Variants in SRD5A2 observed in about 807,000 individuals in gnomAD.
SRD5A2 encodes the protein steroid 5 alpha-reductase 2.
A neutral mutation model predicts 27.4 loss-of-function variants in SRD5A2; 30 were observed. That is an observed-to-expected ratio of 1.10 (90% CI 0.82 to 1.49). The LOEUF (loss-of-function observed/expected upper bound fraction) is 1.49. Ranked by LOEUF, SRD5A2 falls within the 40% of genes most tolerant of loss-of-function variation. SRD5A2 has a pLI of 0.00. For missense variants in SRD5A2, 348 were observed against 323.4 expected, an observed-to-expected ratio of 1.08 and a Z score of -0.58; for synonymous variants, 141 against 133.6, an observed-to-expected ratio of 1.06 and a Z score of -0.38.
the SRD5A2 span, among the ~76,000 whole-genome samples, chr2:31,660,311 G>C: frequency 6.6e-6 from 1 of 152,054 alleles, no homozygotes; most frequent in East Asian, 1.9e-4. Context: ...TGGTGGGAAT[G>C]CACTCTATAA....
chr2:31,523,240 G>C lies in SRD5A2; in HGVS notation c.*2956C>G, dbSNP rs1348952942. On this transcript the variant is annotated 3_prime_UTR_variant, in exon 5 of 5. Transcript: ENST00000622030. ...TAGGTTTATGAAAGGGCATGAGCCT[G>C]GTGCTCCCACGGAGCGAGGGAAGCC... 9.2e-6 allele frequency: 2 copies of C among 216,282 alleles called. No individual in the cohort carries two copies. The highest frequency in any genetic ancestry group is 1.9e-5 in the Non-Finnish European group (2 of 107,448). The allele number at this position is 216,282 out of a possible 1,614,324, so 13.4% of individuals were successfully genotyped here.
At chr2:31,541,592 C>A (rs1355412308) in intron 1 of SRD5A2, among the ~76,000 whole-genome samples, 1 of 151,924 alleles carries the variant, frequency 6.6e-6, no homozygotes, top group African/African-American at 2.4e-5. Context: ...TCTACACACA[C>A]AAAAAGCACC....
At chr2:31,551,123 C>T (rs1259078112) in intron 1 of SRD5A2, among the ~76,000 whole-genome samples, 7 of 151,946 alleles carry the variant, frequency 4.6e-5, no homozygotes, top group African/African-American at 1.7e-4. Flanking sequence ...CCCAAAACTA[C>T]CATATTTTGT....
the SRD5A2 span, among the ~76,000 whole-genome samples, chr2:31,662,492 A>T: frequency 6.6e-6 from 1 of 151,822 alleles, no homozygotes; most frequent in South Asian, 2.1e-4. Flanking sequence ...CTAATTTTTA[A>T]ATTTTTTGTA....
intron 1 of SRD5A2, among the ~76,000 whole-genome samples, chr2:31,547,194 T>C (rs1215142964): frequency 6.6e-6 from 1 of 152,178 alleles, no homozygotes; most frequent in African/African-American, 2.4e-5. Flanking sequence ...TAAACCCTAA[T>C]ATATATGGTT....
At chr2:31,548,690 A>G (rs1166510539) in intron 1 of SRD5A2, among the ~76,000 whole-genome samples, 1 of 152,212 alleles carries the variant, frequency 6.6e-6, no homozygotes, top group Non-Finnish European at 1.5e-5. Context: ...TTACTCAAAA[A>G]TTAAAAATAG....
At chr2:31,571,228 A>G (rs1666843373) in intron 1 of SRD5A2, among the ~76,000 whole-genome samples, 1 of 152,130 alleles carries the variant, frequency 6.6e-6, no homozygotes, top group Non-Finnish European at 1.5e-5. Flanking sequence ...CATACCTACA[A>G]CCATCTGATA....
At chr2:31,598,955 T>C in the SRD5A2 span, among the ~76,000 whole-genome samples, 1 of 151,636 alleles carries the variant, frequency 6.6e-6, no homozygotes, top group Admixed American at 6.6e-5. Flanking sequence ...CACAAATACA[T>C]TGAAAATAAA....
chr2:31,532,361 TCACACACACACA>T (rs35752905), intron 2 of SRD5A2, among the ~76,000 whole-genome samples: 31 of 143,796 alleles, frequency 2.2e-4, no homozygotes, highest in East Asian at 6.2e-4. Context: ...CACTGCCAGT[TCACACACACACA>T]CACACACACA....
intron 1 of SRD5A2, among the ~76,000 whole-genome samples, chr2:31,580,390 T>C (rs1042068578): frequency 4.6e-5 from 7 of 152,272 alleles, no homozygotes; most frequent in African/African-American, 1.7e-4. Context: ...GCGGATGAGG[T>C]CCTGGGGGAG....
chr2:31,600,822 A>G, the SRD5A2 span, among the ~76,000 whole-genome samples: 3 of 151,920 alleles, frequency 2.0e-5, no homozygotes, highest in East Asian at 3.9e-4. Flanking sequence ...CAAAACACTA[A>G]CAAGCCAAAT....
chr2:31,653,314 G>T, the SRD5A2 span, among the ~76,000 whole-genome samples: 1 of 152,120 alleles, frequency 6.6e-6, no homozygotes, highest in Non-Finnish European at 1.5e-5. Flanking sequence ...GCCAAAAAGT[G>T]TCCCTCCATC....
intron 1 of SRD5A2, among the ~76,000 whole-genome samples, chr2:31,554,533 G>C (rs1330142472): frequency 6.6e-6 from 1 of 152,160 alleles, no homozygotes; most frequent in African/African-American, 2.4e-5. Flanking sequence ...GAAGCAGTTA[G>C]AGAAGAATCC....
the SRD5A2 span, among the ~76,000 whole-genome samples, chr2:31,623,517 G>C: frequency 2.0e-5 from 3 of 152,030 alleles, no homozygotes; most frequent in Non-Finnish European, 4.4e-5. Flanking sequence ...AGGAGAAGAG[G>C]CACTCTGGCT....
At chr2:31,598,106 T>C in the SRD5A2 span, among the ~76,000 whole-genome samples, 2 of 152,200 alleles carry the variant, frequency 1.3e-5, no homozygotes, top group African/African-American at 4.8e-5. Context: ...TACCATGGAA[T>C]ACTACTCCTC....
the SRD5A2 span, among the ~76,000 whole-genome samples, chr2:31,627,364 C>T: frequency 2.6e-5 from 4 of 151,804 alleles, no homozygotes; most frequent in Admixed American, 1.3e-4. Context: ...CTTTATTATT[C>T]TAGCTAGTGG....
the SRD5A2 span, among the ~76,000 whole-genome samples, chr2:31,635,909 G>A: frequency 6.6e-6 from 1 of 151,952 alleles, no homozygotes; most frequent in African/African-American, 2.4e-5. Flanking sequence ...ATTGGTCTAG[G>A]AGTCTATTTT....
At chr2:31,583,660 AAG>A (rs1455980326), upstream of SRD5A2, among the ~76,000 whole-genome samples, 1 of 130,640 alleles carries the variant, frequency 7.7e-6, no homozygotes, top group Non-Finnish European at 1.6e-5. Context: ...ACCAAAAAAA[AAG>A]CAAAAAAAAA....
intron 3 of SRD5A2, among the ~76,000 whole-genome samples, chr2:31,529,937 G>A (rs1211665816): frequency 6.6e-6 from 1 of 152,096 alleles, no homozygotes. Flanking sequence ...ATTCTCTTAT[G>A]GGATTTGCCC....
Sources: allele counts gnomAD v4.1 joint callset (sites outside exome capture counted in the v4.1 genomes callset), GRCh38; gene constraint gnomAD v4.1.1; transcripts MANE v1.5; gene names NCBI Gene and HGNC (gene_info 2026-07-23, HGNC 2026-07-21).